The following VDAC3 variants were observed in gnomAD, a reference collection of about 807,000 sequenced individuals.
The protein encoded by VDAC3 is non-selective voltage-gated ion channel VDAC3.
VDAC3 carries 7 observed loss-of-function variants against 33.9 expected under a neutral mutation model. The observed-to-expected ratio is 0.21, with a 90% CI of 0.12 to 0.39. The LOEUF is 0.39. VDAC3 is among the 10% of genes least tolerant of loss of function. The pLI is 1.00. For synonymous variants in VDAC3, 100 were observed against 122.4 expected (o/e 0.82, Z 1.21); for missense variants, 261 against 334.5 (o/e 0.78, Z 1.71).
rs534655875 is a variant in VDAC3 at position 42,398,640 on chromosome 8, A to T, written c.118-72A>T. 4.1e-5 allele frequency: 62 copies of T among 1,513,606 alleles called. No homozygotes were observed. The African/African-American group carries it at 7.5e-4, about 18-fold the overall frequency. The allele number at this position is 1,513,606 out of a possible 1,614,324, so 93.8% of individuals were successfully genotyped here. On this transcript the variant is annotated intron_variant, in intron 4 of 9. Transcript: ENST00000022615. ...TGGTATTGTTTTTGATACATTGAAC[A>T]CTGCTTTCCAAAGTGAATATTTTCT...
At chr8:42,402,498 C>G (rs1251822610) in intron 7 of VDAC3, among the ~76,000 whole-genome samples, 1 of 152,170 alleles carries the variant, frequency 6.6e-6, no homozygotes, top group East Asian at 1.9e-4. Flanking sequence ...CTAATGCATT[C>G]AGAAGTAACA....
At chr8:42,396,841 T>C in intron 4 of VDAC3, 1 of 588,736 alleles carries the variant, frequency 1.7e-6, no homozygotes, top group Non-Finnish European at 3.0e-6. Context: ...TTGTTTGTTT[T>C]GTTGCTTACT....
rs1802363347 is a variant in VDAC3 at position 42,398,776 on chromosome 8, A to G, written c.182A>G (p.Lys61Arg). Reference sequence around the variant, plus strand: ...AAAGCATCAGGCAACCTAGAAACCAAATATAAGGTCTGTAACTATGGACTT... The same window carrying G: ...AAAGCATCAGGCAACCTAGAAACCAGATATAAGGTCTGTAACTATGGACTT... Reference protein sequence around the residue: ...TGKASGNLETKYKVCNYGLTF... With the variant: ...TGKASGNLETRYKVCNYGLTF... Residue 61 changes from lysine (K) to arginine (R), a missense_variant, in exon 5 of 10, where the codon AAA becomes AGA. Coordinates refer to ENST00000022615, the MANE Select transcript of VDAC3 (RefSeq NM_005662.7). 2 of 1,613,908 alleles carry G rather than the reference A, an allele frequency of 1.2e-6. No individual in the cohort carries two copies. The highest frequency in any genetic ancestry group is 1.7e-5 in the Admixed American group (1 of 59,994).
At chr8:42,403,485 A>G in intron 8 of VDAC3, 24 bp downstream of exon 8, 1 of 1,542,022 alleles carries the variant, frequency 6.5e-7, no homozygotes. Context: ...GCCAGATTGG[A>G]TCTGCTCTTA....
chr8:42,404,776 A>T, intron 8 of VDAC3, 91 bp from the exon 9 acceptor site: 1 of 1,046,288 alleles, frequency 9.6e-7, no homozygotes, highest in Non-Finnish European at 1.4e-6. Context: ...GGGTGCTTTT[A>T]GCATTGGAAA....
chr8:42,404,970 A>G, intron 9 of VDAC3, 46 bp downstream of exon 9: 1 of 1,557,092 alleles, frequency 6.4e-7, no homozygotes, highest in Non-Finnish European at 8.8e-7. Context: ...GGAAGGTGAT[A>G]GAGAAAACAA....
intron 1 of VDAC3, among the ~76,000 whole-genome samples, chr8:42,392,591 T>G (rs545816803): frequency 1.3e-5 from 2 of 152,210 alleles, no homozygotes; most frequent in Non-Finnish European, 2.9e-5. Context: ...AAAGTCAGCT[T>G]GAACTAGGCA....
chr8:42,396,692 A>G lies in VDAC3; in HGVS notation c.117+1559A>G, dbSNP rs1488655125. 1.0e-5 allele frequency: 7 copies of G among 690,532 alleles called. No homozygotes were observed. The African/African-American group carries it at 1.2e-4, about 12-fold the overall frequency. 42.8% of individuals were successfully genotyped at this position (690,532 alleles called of 1,614,324 possible). A position where few individuals can be genotyped will look rare whatever the true frequency, so the allele number is the denominator to read the frequency against. ...TATTCATTCAGATGGTAAGAAAAAAAAGCTTATTCGTATGCTTGTTTTTAT... is the reference window on the plus strand; with the variant it reads ...TATTCATTCAGATGGTAAGAAAAAAGAGCTTATTCGTATGCTTGTTTTTAT... On this transcript the variant is annotated intron_variant, in intron 4 of 9. Coordinates refer to ENST00000022615, the MANE Select transcript of VDAC3 (RefSeq NM_005662.7).
intron 6 of VDAC3, 40 bp downstream of exon 6, chr8:42,399,743 C>G (rs757647520): frequency 8.9e-6 from 14 of 1,578,278 alleles, no homozygotes; most frequent in South Asian, 5.6e-5. Context: ...GTTTTTGGAG[C>G]CTGAAAGGGT....
In VDAC3 at chr8:42,398,895, G is replaced by A. The variant is rs1452442054; in HGVS notation, c.270+31G>A. On this transcript the variant is annotated intron_variant, in intron 5 of 9. Coordinates refer to ENST00000022615, the MANE Select transcript of VDAC3 (RefSeq NM_005662.7). The stretch of plus-strand genomic sequence containing the variant: ...AGAACGCATTAGAAGTTATTCATAG[G>A]TTCAATTTATCTTGTAGATTGAATG... The A allele has an allele frequency of 2.5e-6, 4 of 1,606,904 alleles. No homozygotes were observed. The African/African-American group carries it at 5.4e-5, about 22-fold the overall frequency.
At chr8:42,398,148 A>G (rs955729576) in intron 4 of VDAC3, among the ~76,000 whole-genome samples, 2 of 152,206 alleles carry the variant, frequency 1.3e-5, no homozygotes, top group African/African-American at 2.4e-5. Flanking sequence ...TAGTAAAGGC[A>G]TTTGTTTTCA....
rs577763773 is a variant in VDAC3 at position 42,393,466 on chromosome 8, T to C, written c.-42-379T>C. Reference sequence around the variant, plus strand: ...ATACAAAGAGGGCAAAGGAATGAGATAATCAGCAGTGTTGATAGCTCTGAG... The same window carrying C: ...ATACAAAGAGGGCAAAGGAATGAGACAATCAGCAGTGTTGATAGCTCTGAG... On this transcript the variant is annotated intron_variant, in intron 1 of 9. Transcript: ENST00000022615. Among the ~76,000 whole-genome samples, 6 of 152,324 alleles carry C rather than the reference T, an allele frequency of 3.9e-5. No individual in the cohort carries two copies. In the South Asian group the frequency reaches 1.2e-3, roughly 32 times the overall value.
intron 8 of VDAC3, 104 bp from the exon 9 acceptor site, chr8:42,404,763 C>G: frequency 1.1e-6 from 1 of 899,276 alleles, no homozygotes. Context: ...TAGATTGGCC[C>G]TAGGGTGCTT....
At chr8:42,396,834 TTTG>T (rs1364943038) in intron 4 of VDAC3, 6 of 587,770 alleles carry the variant, frequency 1.0e-5, no homozygotes, top group Non-Finnish European at 1.8e-5. Flanking sequence ...AACATTTTTG[TTTG>T]TTTTGTTGCT....
rs771310470 is a variant in VDAC3, at chr8:42,403,338, T to C, written c.579T>C (p.Ser193=). 1.2e-6 allele frequency: 2 copies of C among 1,614,000 alleles called. No individual in the cohort carries two copies. Among genetic ancestry groups the C allele is most frequent in the South Asian group, 1.1e-5 (1 of 91,026 alleles). ...ACGATGGCACTGAATTTGGAGGTTC[T>C]ATCTACCAGAAGGTGAATGAGAAGA... ...HVNDGTEFGG[S]IYQKVNEKIE... Residue 193 remains serine (S), a synonymous_variant, in exon 8 of 10, where the codon TCT becomes TCC. Transcript: ENST00000022615.
Position 42,393,727 on chromosome 8 carries a change from C to T in VDAC3, c.-42-118C>T, listed in dbSNP as rs1271426451. On this transcript the variant is annotated intron_variant, in intron 1 of 9. Transcript: ENST00000022615. ...TATTCTAGATGAATACACTTCAATT[C>T]GTATGGTAAATTCTTATTTTAAGAA... The T allele has an allele frequency of 1.0e-5, 4 of 395,806 alleles. No individual in the cohort carries two copies. In the Admixed American group the frequency reaches 1.7e-4, roughly 17 times the overall value. The allele number at this position is 395,806 out of a possible 1,614,324, so 24.5% of individuals were successfully genotyped here. A position where few individuals can be genotyped will look rare whatever the true frequency, so the allele number is the denominator to read the frequency against.
At position 42,394,619 on chromosome 8, in the gene VDAC3, T is replaced by G. The variant is rs181200746; in HGVS notation, c.67+341T>G. Reference sequence around the variant, plus strand: ...CTTTTCCTCCCTCCAAACAGTGGCATTGTTTTTATGAAAGTGACAACATAA... The same window carrying G: ...CTTTTCCTCCCTCCAAACAGTGGCAGTGTTTTTATGAAAGTGACAACATAA... On this transcript the variant is annotated intron_variant, in intron 3 of 9. Transcript: ENST00000022615. Among the ~76,000 whole-genome samples, 458 of 152,316 alleles carry G rather than the reference T, an allele frequency of 3.0e-3. 1 individual carries two copies. Among genetic ancestry groups the G allele is most frequent in the African/African-American group, 0.011 (441 of 41,564 alleles).
At chr8:42,399,107 T>C (rs1802371344) in intron 5 of VDAC3, among the ~76,000 whole-genome samples, 1 of 152,148 alleles carries the variant, frequency 6.6e-6, no homozygotes. Context: ...AAGCTTCTCC[T>C]GGGTAGAACA....
In VDAC3 at chr8:42,397,118, G is replaced by A. The variant is rs190550231; in HGVS notation, c.118-1594G>A. The A allele has an allele frequency of 3.0e-4, 47 of 155,978 alleles. 2 individuals are homozygous for A. Among genetic ancestry groups the A allele is most frequent in the Admixed American group, 2.4e-3 (37 of 15,410 alleles). The allele number at this position is 155,978 out of a possible 1,614,324, so 9.7% of individuals were successfully genotyped here. ...TAATTTTGTGCATAAGGTTTTTCTA[G>A]CACCAAAATTAAGATTTGCATTTGT... On this transcript the variant is annotated intron_variant, in intron 4 of 9. Coordinates refer to ENST00000022615, the MANE Select transcript of VDAC3 (RefSeq NM_005662.7).
Sources: gnomAD v4.1 joint callset for allele counts (sites outside exome capture counted in the v4.1 genomes callset) on GRCh38, gnomAD v4.1.1 for gene constraint, MANE v1.5 for transcripts, NCBI Gene and HGNC (gene_info 2026-07-23, HGNC 2026-07-21) for gene names.